The following CHL1 variants were observed in gnomAD, a reference collection of about 807,000 sequenced individuals.
CHL1 encodes the protein neural cell adhesion molecule L1-like protein.
Under a neutral mutation model 141.9 loss-of-function variants are expected in CHL1, and 96 were observed. The ratio of observed to expected loss-of-function variants is 0.68; its 90% CI spans 0.57 to 0.80. The LOEUF is 0.80. CHL1 is among the 30% of genes least tolerant of loss of function. CHL1 has a pLI of 0.00. For synonymous variants in CHL1, 613 were observed against 502.2 expected (o/e 1.22, Z -2.95); for missense variants, 1,820 against 1,457.2 (o/e 1.25, Z -4.05).
intron 24 of CHL1, among the ~76,000 whole-genome samples, chr3:396,166 T>C (rs530662699): frequency 1.3e-5 from 2 of 152,236 alleles, no homozygotes; most frequent in South Asian, 2.1e-4. Flanking sequence ...CCAAGTGAAA[T>C]GAAGAACTAA....
chr3:386,867 T>C (rs143470175), intron 19 of CHL1, among the ~76,000 whole-genome samples: 18 of 152,328 alleles, frequency 1.2e-4, no homozygotes, highest in African/African-American at 4.3e-4. Context: ...TATTGTATTC[T>C]TGAAAATTGT....
At chr3:391,601 A>C in intron 22 of CHL1, 74 bp from the exon 23 acceptor site, 1 of 1,008,440 alleles carries the variant, frequency 9.9e-7, no homozygotes. Flanking sequence ...ATTTCTATAA[A>C]ATTTATAATA....
chr3:342,897 T>A (rs1575117218), intron 7 of CHL1, 87 bp from the exon 8 acceptor site: 1 of 1,104,058 alleles, frequency 9.1e-7, no homozygotes, highest in East Asian at 2.5e-5. Context: ...GTAATTTTTC[T>A]AAGACAAAAA....
At chr3:329,773 A>G (rs1701296271) in intron 5 of CHL1, among the ~76,000 whole-genome samples, 1 of 152,040 alleles carries the variant, frequency 6.6e-6, no homozygotes, top group African/African-American at 2.4e-5. Context: ...GATATCCCAG[A>G]CAAATGCTTT....
chr3:268,994 C>G (rs1695406012), intron 2 of CHL1, among the ~76,000 whole-genome samples: 1 of 152,168 alleles, frequency 6.6e-6, no homozygotes, highest in South Asian at 2.1e-4. Flanking sequence ...TTGTTGCTCT[C>G]AAATTGGTAA....
At chr3:241,049 C>T (rs1212130172) in intron 1 of CHL1, among the ~76,000 whole-genome samples, 1 of 152,086 alleles carries the variant, frequency 6.6e-6, no homozygotes, top group African/African-American at 2.4e-5. Flanking sequence ...CAGGCAGTGA[C>T]ATTGGTACAA....
intron 1 of CHL1, chr3:197,886 T>TTTC: frequency 2.3e-6 from 1 of 438,530 alleles, no homozygotes; most frequent in Non-Finnish European, 4.5e-6. Context: ...TTTTTTTTTT[T>TTTC]TGGAGTGTGA....
chr3:383,985 C>A, intron 19 of CHL1, 99 bp downstream of exon 19: 3 of 730,262 alleles, frequency 4.1e-6, no homozygotes, highest in Non-Finnish European at 6.8e-6. Context: ...TTTTTAAGAA[C>A]AAAGATAAGA....
chr3:242,831 G>C (rs75830832), intron 1 of CHL1, among the ~76,000 whole-genome samples: 4,542 of 152,186 alleles, frequency 0.03, 98 homozygotes, highest in Non-Finnish European at 0.05. Flanking sequence ...ATACAAATAA[G>C]TTTGATCATA....
chr3:247,801 C>G (rs144236488), intron 2 of CHL1: 82 of 152,260 alleles, frequency 5.4e-4, no homozygotes, highest in African/African-American at 1.7e-3. Context: ...CATCTCTTCA[C>G]ATGCATTCAG....
At chr3:262,592 C>T (rs1179136955) in intron 2 of CHL1, among the ~76,000 whole-genome samples, 6 of 152,020 alleles carry the variant, frequency 3.9e-5, no homozygotes, top group Non-Finnish European at 8.8e-5. Context: ...GCAGGATTCA[C>T]ACATTTAAAT....
intron 2 of CHL1, among the ~76,000 whole-genome samples, chr3:256,666 A>C (rs1055675918): frequency 3.3e-5 from 5 of 152,232 alleles, no homozygotes; most frequent in Non-Finnish European, 7.3e-5. Context: ...GCTGAGGTTG[A>C]GAAACTCTGG....
intron 1 of CHL1, among the ~76,000 whole-genome samples, chr3:209,736 C>T (rs761964904): frequency 1.6e-4 from 24 of 152,152 alleles, no homozygotes; most frequent in Non-Finnish European, 3.1e-4. Context: ...CGACAGGCCC[C>T]GTGTGTGATG....
chr3:359,980 T>G (rs965481593), intron 11 of CHL1, among the ~76,000 whole-genome samples: 3 of 152,130 alleles, frequency 2.0e-5, no homozygotes, highest in African/African-American at 7.2e-5. Context: ...ATCATAGGTC[T>G]TGAATGCCTA....
chr3:318,227 A>G (rs1250140023), intron 2 of CHL1, among the ~76,000 whole-genome samples: 2 of 151,920 alleles, frequency 1.3e-5, no homozygotes, highest in Non-Finnish European at 2.9e-5. Flanking sequence ...AATTTTACCA[A>G]TCGGTACATA....
chr3:292,099 T>C (rs906214094), intron 2 of CHL1, among the ~76,000 whole-genome samples: 2 of 152,264 alleles, frequency 1.3e-5, no homozygotes, highest in African/African-American at 2.4e-5. Context: ...TTTGCTGCTC[T>C]GTACAAGCTC....
At chr3:198,377 C>T (rs995932495) in intron 1 of CHL1, among the ~76,000 whole-genome samples, 1 of 151,968 alleles carries the variant, frequency 6.6e-6, no homozygotes, top group Non-Finnish European at 1.5e-5. Context: ...ACGCGCCGTG[C>T]GCGGGGAGAT....
chr3:341,973 C>G lies in CHL1; in HGVS notation c.570C>G (p.Phe190Leu). 1 of 1,613,340 alleles carries G rather than the reference C, an allele frequency of 6.2e-7. No homozygotes were observed. Among genetic ancestry groups the G allele is most frequent in the Non-Finnish European group, 8.5e-7 (1 of 1,179,436 alleles). The change falls in exon 7 of 28, where the codon TTC becomes TTG. Residue 190 changes from phenylalanine to leucine, a missense_variant. Phe to Leu is a conservative substitution (Grantham distance 22, BLOSUM62 0). Coordinates refer to ENST00000256509, the MANE Select transcript of CHL1 (RefSeq NM_006614.4). ...TGAGCCAAAAGGGAGATCTATACTT[C>G]GCAAACGTGGAAGAAAAGGACAGTC... ...VYMSQKGDLY[F>L]ANVEEKDSRN...
intron 5 of CHL1, 115 bp from the exon 6 acceptor site, chr3:340,679 A>G: frequency 1.2e-6 from 1 of 834,934 alleles, no homozygotes; most frequent in East Asian, 2.7e-5. Context: ...CAGGATCTGT[A>G]GCATAGAATT....
Sources: gnomAD v4.1 joint callset for allele counts (sites outside exome capture counted in the v4.1 genomes callset) on GRCh38, gnomAD v4.1.1 for gene constraint, MANE v1.5 for transcripts, NCBI Gene and HGNC (gene_info 2026-07-23, HGNC 2026-07-21) for gene names.